GALK2: variants seen among roughly 807,000 people sequenced by gnomAD.
GALK2 encodes the protein galactokinase 2.
In GALK2, 36 loss-of-function variants were observed where a neutral mutation model predicts 52.4. That is an observed-to-expected ratio of 0.69 (90% CI 0.53 to 0.91). The LOEUF (loss-of-function observed/expected upper bound fraction) is 0.91, where lower values mean the gene tolerates loss of function less well. Ranked by LOEUF, GALK2 falls within the 40% of genes least tolerant of loss-of-function variation. The pLI, the probability that GALK2 is intolerant of heterozygous loss-of-function variation, is 0.00. For missense variants in GALK2, 579 were observed against 559.1 expected (o/e 1.04, Z -0.36); for synonymous variants, 176 against 199.1 (o/e 0.88, Z 0.98).
chr15:49,331,948 A>C (rs2038846938), downstream of GALK2: 2 of 742,918 alleles, frequency 2.7e-6, no homozygotes, highest in African/African-American at 1.7e-5. Context: ...TATGCTGGGC[A>C]TTCGTCAAGC....
intron 1 of GALK2, among the ~76,000 whole-genome samples, chr15:49,163,657 T>A (rs1486992606): frequency 2.0e-5 from 3 of 152,244 alleles, no homozygotes; most frequent in African/African-American, 7.2e-5. Flanking sequence ...CATAATTTGA[T>A]CCTTTTAAAA....
intron 5 of GALK2, among the ~76,000 whole-genome samples, chr15:49,260,970 C>G (rs1401287625): frequency 1.3e-5 from 2 of 151,702 alleles, no homozygotes; most frequent in Non-Finnish European, 2.9e-5. Context: ...GTTACTGTAG[C>G]CTTGTAGTAT....
chr15:49,325,563 C>T (rs2037334395), intron 9 of GALK2, among the ~76,000 whole-genome samples: 2 of 152,204 alleles, frequency 1.3e-5, no homozygotes, highest in South Asian at 4.1e-4. Flanking sequence ...CTATTAAGTA[C>T]CAGCAGGGAA....
At position 49,319,604 on chromosome 15, in the gene GALK2, T is replaced by C; in HGVS notation, c.968T>C (p.Val323Ala). ...TQILSPNTQD[V>A]LIFKLYQRAK... The stretch of plus-strand genomic sequence containing the variant: ...CTTCCCCATCCTCTTCCTTCCTCAG[T>C]GCTCATCTTCAAACTCTATCAGCGG... The change falls in exon 9 of 10, where the codon GTG becomes GCG. Residue 323 changes from valine (V) to alanine (A), a missense_variant and splice_region_variant. Coordinates refer to ENST00000560031, the MANE Select transcript of GALK2 (RefSeq NM_002044.4). 1.2e-6 allele frequency: 2 copies of C among 1,614,104 alleles called. No individual in the cohort carries two copies. The highest frequency in any genetic ancestry group is 1.3e-5 in the African/African-American group (1 of 75,064).
At chr15:49,182,439 G>A (rs1239175428) in intron 1 of GALK2, among the ~76,000 whole-genome samples, 1 of 152,144 alleles carries the variant, frequency 6.6e-6, no homozygotes, top group East Asian at 1.9e-4. Flanking sequence ...TATTGTAAAT[G>A]GTACTGCAAT....
chr15:49,331,950 T>C, downstream of GALK2: 2 of 735,568 alleles, frequency 2.7e-6, no homozygotes, highest in Admixed American at 4.1e-5. Flanking sequence ...TGCTGGGCAT[T>C]CGTCAAGCAC....
intron 8 of GALK2, among the ~76,000 whole-genome samples, chr15:49,307,527 G>A (rs537257935): frequency 6.6e-6 from 1 of 152,306 alleles, no homozygotes; most frequent in South Asian, 2.1e-4. Context: ...AACTACAAAG[G>A]TAGAGGGTAG....
chr15:49,250,972 A>T (rs1595835719), intron 5 of GALK2, among the ~76,000 whole-genome samples: 1 of 152,236 alleles, frequency 6.6e-6, no homozygotes, highest in East Asian at 1.9e-4. Context: ...TTAGATTAAC[A>T]TAAAAATGGA....
chr15:49,292,002 G>T lies in GALK2; in HGVS notation c.757-325G>T, dbSNP rs138550668. Among the ~76,000 whole-genome samples the T allele has an allele frequency of 1.9e-3, 282 of 152,146 alleles. 2 individuals are homozygous for T. The highest frequency in any genetic ancestry group is 6.3e-3 in the African/African-American group (261 of 41,478). Reference sequence around the variant, plus strand: ...GCATGAACTGAATAAGGATAAAAGAGTAAAATTATTCAAAGAAACAGCCCT... The same window carrying T: ...GCATGAACTGAATAAGGATAAAAGATTAAAATTATTCAAAGAAACAGCCCT... On this transcript the variant is annotated intron_variant, in intron 7 of 9. Coordinates refer to ENST00000560031, the MANE Select transcript of GALK2 (RefSeq NM_002044.4).
chr15:49,183,163 T>C (rs886750947), intron 1 of GALK2, among the ~76,000 whole-genome samples: 1 of 152,196 alleles, frequency 6.6e-6, no homozygotes, highest in Non-Finnish European at 1.5e-5. Flanking sequence ...TTAATTTCAT[T>C]TATTTCTGCT....
At chr15:49,299,746 T>TCTTTCTTTCTTTC (rs2034864812) in intron 8 of GALK2, among the ~76,000 whole-genome samples, 14 of 126,680 alleles carry the variant, frequency 1.1e-4, no homozygotes, top group African/African-American at 3.9e-4. Context: ...TTTCTTTCTT[T>TCTTTCTTTCTTTC]CTTTCTTTCT....
chr15:49,193,093 G>A (rs565095941), intron 1 of GALK2, among the ~76,000 whole-genome samples: 61 of 151,290 alleles, frequency 4.0e-4, no homozygotes, highest in African/African-American at 1.4e-3. Flanking sequence ...CACCTCCGGG[G>A]TTCAAGCAAT....
intron 5 of GALK2, among the ~76,000 whole-genome samples, chr15:49,262,742 GC>G (rs1272629585): frequency 7.0e-6 from 1 of 142,978 alleles, no homozygotes; most frequent in Non-Finnish European, 1.5e-5. Flanking sequence ...TGCTTTGAAT[GC>G]ATCCCAGAGA....
In GALK2 at chr15:49,213,415, C is replaced by T. The variant is rs543592156; in HGVS notation, c.143-3775C>T. On this transcript the variant is annotated intron_variant, in intron 2 of 9. Coordinates refer to ENST00000560031, the MANE Select transcript of GALK2 (RefSeq NM_002044.4). ...TGTGTAGGTTTGATACCTAGGTATACGTGTGCCATGGTGGTTTGCTGCACC... is the reference window on the plus strand; with the variant it reads ...TGTGTAGGTTTGATACCTAGGTATATGTGTGCCATGGTGGTTTGCTGCACC... Among the ~76,000 whole-genome samples, 20 of 152,124 alleles carry T rather than the reference C, an allele frequency of 1.3e-4. No individual in the cohort carries two copies. In the South Asian group the frequency reaches 4.0e-3, roughly 30 times the overall value.
chr15:49,277,326 G>A (rs981957215), intron 5 of GALK2, among the ~76,000 whole-genome samples: 14 of 141,888 alleles, frequency 9.9e-5, no homozygotes, highest in African/African-American at 3.6e-4. Flanking sequence ...CCGCCACTAC[G>A]CCCGGCTAAT....
chr15:49,311,522 G>A (rs957912132), intron 8 of GALK2, among the ~76,000 whole-genome samples: 10 of 152,126 alleles, frequency 6.6e-5, no homozygotes, highest in African/African-American at 1.7e-4. Flanking sequence ...TAATCTCGAC[G>A]TCTTTGCTCT....
upstream of GALK2, among the ~76,000 whole-genome samples, chr15:49,168,298 T>G (rs979119457): frequency 6.6e-6 from 1 of 152,362 alleles, no homozygotes; most frequent in East Asian, 1.9e-4. Flanking sequence ...TCGAAACAGT[T>G]TCTACAGTCA....
At chr15:49,349,219 A>G (rs1000817226) in intron 3 of GALK2, among the ~76,000 whole-genome samples, 23 of 152,198 alleles carry the variant, frequency 1.5e-4, no homozygotes, top group Non-Finnish European at 1.5e-5. Context: ...TCTCTGGCTC[A>G]AGGTGGCTGA....
intron 8 of GALK2, among the ~76,000 whole-genome samples, chr15:49,309,228 C>T (rs11635005): frequency 0.17 from 25,677 of 152,128 alleles, 2,439 homozygotes; most frequent in Non-Finnish European, 0.21. Flanking sequence ...CCTGGTTTCA[C>T]GTTCTAATAG....
Sources: gnomAD v4.1 joint callset for allele counts (sites outside exome capture counted in the v4.1 genomes callset) on GRCh38, gnomAD v4.1.1 for gene constraint, MANE v1.5 for transcripts, NCBI Gene and HGNC (gene_info 2026-07-23, HGNC 2026-07-21) for gene names.